The following BID variants were observed in gnomAD, a reference collection of about 807,000 sequenced individuals.
BID encodes the protein BH3-interacting domain death agonist.
BID carries 19 observed loss-of-function variants against 17.4 expected under a neutral mutation model. The ratio of observed to expected loss-of-function variants is 1.09; its 90% CI spans 0.76 to 1.60. The LOEUF is 1.60. BID is among the 40% of genes most tolerant of loss of function. BID has a pLI of 0.00. For missense variants in BID, 226 were observed against 256.0 expected, an observed-to-expected ratio of 0.88 and a Z score of 0.80; for synonymous variants, 108 against 102.8, an observed-to-expected ratio of 1.05 and a Z score of -0.31.
intron 1 of BID, among the ~76,000 whole-genome samples, chr22:17,768,541 T>C (rs1467517196): frequency 6.6e-6 from 1 of 152,202 alleles, no homozygotes; most frequent in Non-Finnish European, 1.5e-5. Flanking sequence ...GTGAGCCTCC[T>C]GGTCCGCCCC....
intron 3 of BID, among the ~76,000 whole-genome samples, chr22:17,741,649 A>T (rs994990223): frequency 8.6e-5 from 13 of 151,222 alleles, no homozygotes; most frequent in South Asian, 6.3e-4. Flanking sequence ...ATTTTTATAT[A>T]TTTTTTTTAG....
chr22:17,749,193 G>A (rs2061518390), intron 2 of BID, among the ~76,000 whole-genome samples: 1 of 152,184 alleles, frequency 6.6e-6, no homozygotes, highest in African/African-American at 2.4e-5. Context: ...GGAGGGAGGG[G>A]AGGAGGATGT....
intron 1 of BID, among the ~76,000 whole-genome samples, chr22:17,759,246 C>CAAAAAAAAAAAACAAAAAAAAA (rs747701019): frequency 8.7e-6 from 1 of 114,788 alleles, no homozygotes; most frequent in Non-Finnish European, 1.9e-5. Flanking sequence ...AAAAACAAAA[C>CAAAAAAAAAAAACAAAAAAAAA]AAAAAAAAAA....
At chr22:17,766,282 C>CTTTT (rs71201884) in intron 1 of BID, among the ~76,000 whole-genome samples, 32 of 135,114 alleles carry the variant, frequency 2.4e-4, no homozygotes, top group African/African-American at 2.7e-4. Context: ...TTCTTTCTTT[C>CTTTT]TTTTTTTTTT....
chr22:17,756,437 T>C (rs2061586855), intron 1 of BID, among the ~76,000 whole-genome samples: 1 of 65,344 alleles, frequency 1.5e-5, no homozygotes, highest in African/African-American at 8.0e-5. Flanking sequence ...TCTTTCTTCT[T>C]TCTTTCTTTC....
Position 17,773,668 on chromosome 22 carries a change from T to C in BID, c.-59+713A>G, listed in dbSNP as rs2061737718. 1 of 1,611,054 alleles carries C rather than the reference T, an allele frequency of 6.2e-7. No homozygotes were observed. The highest frequency in any genetic ancestry group is 8.5e-7 in the Non-Finnish European group (1 of 1,179,878). The stretch of plus-strand genomic sequence containing the variant: ...CCCCTCGCTGCCCACCGAGCCATCA[T>C]GACCCCAGCACCGCTGCACATTCGT... On this transcript the variant is annotated intron_variant, in intron 1 of 5. Transcript: ENST00000622694. The surrounding 1 kb of genome is among the most constrained non-coding windows in gnomAD (Gnocchi z 4.4).
chr22:17,774,665 G>A (rs2061747171), upstream of BID: 1 of 151,918 alleles, frequency 6.6e-6, no homozygotes, highest in Admixed American at 6.5e-5. Context: ...TTCAGACAGT[G>A]TCGTCCAACT....
At position 17,773,483 on chromosome 22, in the gene BID, G is replaced by A; in HGVS notation, c.-59+898C>T. On this transcript the variant is annotated intron_variant, in intron 1 of 5. Transcript: ENST00000622694. This position sits in a 1 kb window ranked among gnomAD's most constrained non-coding sequence, Gnocchi z 4.4. Reference sequence around the variant, plus strand: ...ACTGAGGGTGTGGATAAGGCTCCAGGAAGGGGGTGCAAGCCTGAGAAGGTG... The same window carrying A: ...ACTGAGGGTGTGGATAAGGCTCCAGAAAGGGGGTGCAAGCCTGAGAAGGTG... The A allele has an allele frequency of 3.2e-6, 3 of 950,868 alleles. No individual in the cohort carries two copies. The highest frequency in any genetic ancestry group is 4.9e-6 in the Non-Finnish European group (3 of 611,930). The allele number at this position is 950,868 out of a possible 1,614,324, so 58.9% of individuals were successfully genotyped here.
At position 17,750,272 on chromosome 22, in the gene BID, G is replaced by T. The variant is rs374084452; in HGVS notation, c.-58-98C>A. 1,692 of 1,071,296 alleles carry T rather than the reference G, an allele frequency of 1.6e-3. 8 individuals carry two copies. The highest frequency in any genetic ancestry group is 0.01 in the Middle Eastern group (48 of 4,740). 66.4% of individuals were successfully genotyped at this position (1,071,296 alleles called of 1,614,324 possible). Reference sequence around the variant, plus strand: ...AGCTGGCCTGTGCTCCAGAAATGGCGGCTGAGCCGAGGTCCTGGCCTGAGC... The same window carrying T: ...AGCTGGCCTGTGCTCCAGAAATGGCTGCTGAGCCGAGGTCCTGGCCTGAGC... On this transcript the variant is annotated intron_variant, in intron 1 of 5. Coordinates refer to ENST00000622694, the MANE Select transcript of BID (RefSeq NM_001196.4).
rs1417384661 is a variant in BID, at chr22:17,764,410, G to GT, written c.-59+9970dup. Among the ~76,000 whole-genome samples the GT allele has an allele frequency of 5.9e-5, 9 of 152,338 alleles. No homozygotes were observed. In the East Asian group the frequency reaches 1.7e-3, roughly 29 times the overall value. On this transcript the variant is annotated intron_variant, in intron 1 of 5. Transcript: ENST00000622694. Reference sequence around the variant, plus strand: ...GTGCCCCTACACTGAGATGGAAAGAGTAAGGCTCTTGAGCCCACACCTGGG... The same window carrying GT: ...GTGCCCCTACACTGAGATGGAAAGAGTTAAGGCTCTTGAGCCCACACCTGGG...
At chr22:17,753,792 C>T (rs1344273479) in intron 1 of BID, among the ~76,000 whole-genome samples, 1 of 152,264 alleles carries the variant, frequency 6.6e-6, no homozygotes, top group Non-Finnish European at 1.5e-5. Context: ...TACCCTGCCT[C>T]ACCTCAGTGA....
intron 3 of BID, chr22:17,739,722 A>T: frequency 1.7e-6 from 1 of 599,820 alleles, no homozygotes; most frequent in African/African-American, 1.9e-5. Context: ...AGGCTCCCGC[A>T]CACAGGCACC....
At chr22:17,735,894 A>C (rs2061415956) in intron 5 of BID, among the ~76,000 whole-genome samples, 1 of 152,138 alleles carries the variant, frequency 6.6e-6, no homozygotes, top group African/African-American at 2.4e-5. Flanking sequence ...GTCCATACAG[A>C]CTGCTGCACA....
chr22:17,756,587 C>A (rs905924211), intron 1 of BID, among the ~76,000 whole-genome samples: 2 of 61,430 alleles, frequency 3.3e-5, no homozygotes, highest in African/African-American at 1.1e-4. Flanking sequence ...TTTTTTTTTT[C>A]TTTTTTGAGA....
At chr22:17,742,484 A>ACCCCCC (rs2061466959) in intron 3 of BID, among the ~76,000 whole-genome samples, 1 of 70,086 alleles carries the variant, frequency 1.4e-5, no homozygotes, top group Non-Finnish European at 3.0e-5. Context: ...CCCACCCCCC[A>ACCCCCC]CCCCCACCCC....
chr22:17,762,908 ACT>A (rs1236220768), intron 1 of BID, among the ~76,000 whole-genome samples: 1 of 151,698 alleles, frequency 6.6e-6, no homozygotes, highest in African/African-American at 2.4e-5. Flanking sequence ...ACGGAGTCTC[ACT>A]CTGTCACCCA....
intron 1 of BID, among the ~76,000 whole-genome samples, chr22:17,753,269 C>G (rs181409): frequency 0.51 from 77,988 of 152,030 alleles, 20,946 homozygotes; most frequent in East Asian, 0.94. Flanking sequence ...CCCAGCCCCC[C>G]AATGGGACAT....
chr22:17,767,764 G>A (rs929615332), intron 1 of BID, among the ~76,000 whole-genome samples: 7 of 152,140 alleles, frequency 4.6e-5, no homozygotes, highest in African/African-American at 1.4e-4. Flanking sequence ...GAGAGAAAAC[G>A]GAGAAACAGC....
chr22:17,749,060 G>A (rs1226422892), intron 2 of BID, among the ~76,000 whole-genome samples: 1 of 152,214 alleles, frequency 6.6e-6, no homozygotes, highest in Non-Finnish European at 1.5e-5. Context: ...CCTGGGTGCC[G>A]GGTGCTCTCC....
Sources: allele counts gnomAD v4.1 joint callset (sites outside exome capture counted in the v4.1 genomes callset), GRCh38; gene constraint gnomAD v4.1.1; non-coding constraint Gnocchi (gnomAD v3.1); transcripts MANE v1.5; gene names NCBI Gene and HGNC (gene_info 2026-07-23, HGNC 2026-07-21).